CDH9: variants seen among roughly 807,000 people sequenced by gnomAD.
The protein encoded by CDH9 is cadherin-9.
A neutral mutation model predicts 70.9 loss-of-function variants in CDH9; 28 were observed. That is an observed-to-expected ratio of 0.40 (90% CI 0.29 to 0.54). The LOEUF (loss-of-function observed/expected upper bound fraction) is 0.54. Among genes scored for constraint, CDH9 ranks in the 20% least tolerant of loss-of-function variants. CDH9 has a pLI of 0.59. For missense variants in CDH9, 874 were observed against 984.4 expected (o/e 0.89, Z 1.50); for synonymous variants, 409 against 343.1 (o/e 1.19, Z -2.12).
At chr5:27,012,134 T>A (rs942860251) in intron 1 of CDH9, among the ~76,000 whole-genome samples, 4 of 151,886 alleles carry the variant, frequency 2.6e-5, no homozygotes, top group African/African-American at 7.2e-5. Flanking sequence ...TTACATAAAA[T>A]GGTACATTTT....
chr5:26,933,973 G>A (rs1741515426), intron 2 of CDH9, among the ~76,000 whole-genome samples: 1 of 151,372 alleles, frequency 6.6e-6, no homozygotes, highest in Admixed American at 6.8e-5. Flanking sequence ...ATAAAGAAAA[G>A]TGGTTTCTTT....
chr5:26,977,483 GTGTATATA>G (rs1278348049), intron 2 of CDH9, among the ~76,000 whole-genome samples: 3,346 of 141,480 alleles, frequency 0.024, 157 homozygotes, highest in African/African-American at 0.092. Flanking sequence ...GTGTGTGTGT[GTGTATATA>G]TATATATATA....
At position 26,951,945 on chromosome 5, in the gene CDH9, ATTTATTTTAT is replaced by A. The variant is rs70939787; in HGVS notation, c.229-36031_229-36022del. 6.7e-3 allele frequency among the ~76,000 whole-genome samples: 799 copies of A among 119,318 alleles called. 6 individuals are homozygous for A. Among genetic ancestry groups the A allele is most frequent in the African/African-American group, 0.023 (744 of 32,068 alleles). The allele number at this position is 119,318 out of a possible 152,430, so 78.3% of individuals were successfully genotyped here. A position where few individuals can be genotyped will look rare whatever the true frequency, so the allele number is the denominator to read the frequency against. On this transcript the variant is annotated intron_variant, in intron 2 of 11. Transcript: ENST00000231021. ...GTCCCCTTTCAACACTCATGTTAAA[ATTTATTTTAT>A]TTTATTTTATTTTATTTTATTTTAT...
At chr5:26,957,258 G>C (rs537332526) in intron 2 of CDH9, among the ~76,000 whole-genome samples, 70 of 152,136 alleles carry the variant, frequency 4.6e-4, no homozygotes, top group African/African-American at 1.7e-3. Flanking sequence ...TTTGTTGTAG[G>C]AGTGCTGTGA....
At chr5:26,919,122 C>A (rs751252826) in intron 2 of CDH9, among the ~76,000 whole-genome samples, 1 of 152,022 alleles carries the variant, frequency 6.6e-6, no homozygotes, top group African/African-American at 2.4e-5. Flanking sequence ...AGGTGAGTGA[C>A]CACAGTACCT....
intron 2 of CDH9, among the ~76,000 whole-genome samples, chr5:26,948,763 G>T (rs975520983): frequency 6.6e-6 from 1 of 152,170 alleles, no homozygotes; most frequent in African/African-American, 2.4e-5. Context: ...ATAGGCAATT[G>T]AAACACTTGC....
chr5:27,015,536 T>C (rs1351321509), intron 1 of CDH9, among the ~76,000 whole-genome samples: 1 of 151,758 alleles, frequency 6.6e-6, no homozygotes, highest in Non-Finnish European at 1.5e-5. Context: ...TCATTAGATA[T>C]ATGATATACC....
intron 6 of CDH9, chr5:26,903,224 C>CA: frequency 3.2e-6 from 1 of 310,728 alleles, no homozygotes; most frequent in Non-Finnish European, 6.1e-6. Flanking sequence ...TGTTCTCCCA[C>CA]ATTGCATTGA....
chr5:26,987,498 A>G (rs945218326), intron 2 of CDH9, among the ~76,000 whole-genome samples: 1 of 152,134 alleles, frequency 6.6e-6, no homozygotes, highest in Admixed American at 6.6e-5. Flanking sequence ...AAAGAGAGGC[A>G]ATGAATCTGC....
chr5:26,988,137 T>C lies in CDH9; in HGVS notation c.197A>G (p.Tyr66Cys). 2 of 1,612,694 alleles carry C rather than the reference T, an allele frequency of 1.2e-6. No homozygotes were observed. The highest frequency in any genetic ancestry group is 1.7e-6 in the Non-Finnish European group (2 of 1,179,070). Residue 66 changes from tyrosine (Y) to cysteine (C), a missense_variant, in exon 2 of 12, where the codon TAC becomes TGC. By Grantham distance (194) the Tyr-to-Cys change is radical. Coordinates refer to ENST00000231021, the MANE Select transcript of CDH9 (RefSeq NM_016279.4). ...MWNQFFLLEE[Y>C]TGTDTQYVGK... ...TACATATTGTGTGTCAGTACCTGTG[T>C]ACTCTTCCAATAAGAAGAACTGATT...
At chr5:26,976,067 G>T (rs997865982) in intron 2 of CDH9, among the ~76,000 whole-genome samples, 17 of 152,270 alleles carry the variant, frequency 1.1e-4, no homozygotes, top group African/African-American at 4.1e-4. Flanking sequence ...AGTAGAAAAT[G>T]TTGGCAAGAA....
intron 2 of CDH9, among the ~76,000 whole-genome samples, chr5:26,969,820 A>G (rs1398602496): frequency 6.7e-6 from 1 of 149,840 alleles, no homozygotes; most frequent in Non-Finnish European, 1.5e-5. Flanking sequence ...ATTGTCATCA[A>G]AGATCTTAGA....
intron 1 of CDH9, among the ~76,000 whole-genome samples, chr5:27,036,785 A>G (rs17507328): frequency 0.016 from 2,486 of 151,956 alleles, 34 homozygotes; most frequent in Non-Finnish European, 0.027. Flanking sequence ...ATGTTGGCAT[A>G]TATCTATTAA....
At chr5:27,000,138 AAGGAC>A (rs1314725698) in intron 1 of CDH9, among the ~76,000 whole-genome samples, 3 of 152,154 alleles carry the variant, frequency 2.0e-5, no homozygotes, top group African/African-American at 7.2e-5. Context: ...CATATCTGAT[AAGGAC>A]TTTTATCTAA....
In CDH9 at chr5:26,915,868, A is replaced by C; in HGVS notation, c.285T>G (p.Asp95Glu). Reference sequence around the variant, plus strand: ...CTATAACAAATAGACTGCCAGCCCCATCTCCTGTTAGTATGTATTTTAAAT... The same window carrying C: ...CTATAACAAATAGACTGCCAGCCCCCTCTCCTGTTAGTATGTATTTTAAAT... ...DGNLKYILTG[D>E]GAGSLFVIDE... The change falls in exon 3 of 12, where the codon GAT becomes GAG. Residue 95 changes from aspartate to glutamate, a missense_variant. Physicochemically the swap from Asp to Glu is conservative, Grantham distance 45. Coordinates refer to ENST00000231021, the MANE Select transcript of CDH9 (RefSeq NM_016279.4). The C allele has an allele frequency of 6.2e-7, 1 of 1,611,848 alleles. No individual in the cohort carries two copies. Among genetic ancestry groups the C allele is most frequent in the East Asian group, 2.2e-5 (1 of 44,864 alleles).
intron 2 of CDH9, among the ~76,000 whole-genome samples, chr5:26,986,537 T>C (rs1452747685): frequency 1.3e-5 from 2 of 152,110 alleles, no homozygotes; most frequent in Non-Finnish European, 2.9e-5. Flanking sequence ...GGAAGTATTT[T>C]TGTTTTCAGC....
At chr5:26,981,897 T>C (rs1442415904) in intron 2 of CDH9, among the ~76,000 whole-genome samples, 2 of 152,036 alleles carry the variant, frequency 1.3e-5, no homozygotes, top group Non-Finnish European at 1.5e-5. Context: ...TTTTAAATTT[T>C]ATGTTCCTGG....
intron 1 of CDH9, among the ~76,000 whole-genome samples, chr5:27,001,844 A>ACTCTCTCTCTCTCTCTCTCTCT (rs141271541): frequency 2.3e-4 from 32 of 142,052 alleles, no homozygotes; most frequent in African/African-American, 8.8e-4. Context: ...ACACACACAC[A>ACTCTCTCTCTCTCTCTCTCTCT]CTCTCTCTCT....
At chr5:26,988,450 G>C (rs1339741948) in intron 1 of CDH9, 68 bp from the exon 2 acceptor site, 1 of 1,315,040 alleles carries the variant, frequency 7.6e-7, no homozygotes, top group Non-Finnish European at 1.0e-6. Context: ...CGTGTAAACT[G>C]AAATACTTAT....
Sources: gnomAD v4.1 joint callset for allele counts (sites outside exome capture counted in the v4.1 genomes callset) on GRCh38, gnomAD v4.1.1 for gene constraint, MANE v1.5 for transcripts, NCBI Gene and HGNC (gene_info 2026-07-23, HGNC 2026-07-21) for gene names.